Variants in FANCB observed in about 807,000 individuals in gnomAD.
FANCB encodes FA complementation group B, also known as Fanconi anemia group B protein.
A neutral mutation model predicts 38.9 loss-of-function variants in FANCB; 5 were observed. The ratio of observed to expected loss-of-function variants is 0.13; its 90% CI spans 0.07 to 0.27. FANCB has a LOEUF of 0.27. Among genes scored for constraint, FANCB ranks in the 10% least tolerant of loss-of-function variants. The probability of loss-of-function intolerance (pLI) is 1.00; values close to 1 mark genes in which losing one functional copy is unlikely to be tolerated. For missense variants in FANCB, 573 were observed against 602.7 expected (o/e 0.95, Z 0.52); for synonymous variants, 236 against 215.4 (o/e 1.10, Z -0.84).
chrX:14,772,968 C>CT, the FANCB span, among the ~76,000 whole-genome samples: 1 of 111,177 alleles, frequency 9.0e-6, no homozygotes, highest in African/African-American at 3.3e-5. Flanking sequence ...GGCCACACCC[C>CT]TTCCCCCACC....
At chrX:14,802,955 C>T in the FANCB span, among the ~76,000 whole-genome samples, 1 of 112,106 alleles carries the variant, frequency 8.9e-6, no homozygotes, top group East Asian at 2.8e-4. Flanking sequence ...AAGAAATGCA[C>T]AGGCCTTCAG....
At chrX:14,814,198 G>T in the FANCB span, among the ~76,000 whole-genome samples, 13 of 111,730 alleles carry the variant, frequency 1.2e-4, no homozygotes, top group African/African-American at 3.9e-4. Flanking sequence ...AGACTTAAAT[G>T]TTAGACCTAA....
At chrX:14,723,489 G>T in the FANCB span, among the ~76,000 whole-genome samples, 1 of 112,169 alleles carries the variant, frequency 8.9e-6, no homozygotes, top group Non-Finnish European at 1.9e-5. Context: ...CAACCAAAGT[G>T]ATTTATTTCA....
intron 1 of FANCB, among the ~76,000 whole-genome samples, chrX:14,869,753 T>C (rs757309316): frequency 7.1e-5 from 8 of 112,009 alleles, no homozygotes; most frequent in Non-Finnish European, 1.3e-4. Flanking sequence ...ATTGAACATA[T>C]GAATGGTGTA....
the FANCB span, among the ~76,000 whole-genome samples, chrX:14,789,880 G>A: frequency 2.7e-5 from 3 of 111,953 alleles, no homozygotes; most frequent in Non-Finnish European, 5.6e-5. Context: ...TTACATTGTA[G>A]GGATATCATG....
chrX:14,807,125 G>T, the FANCB span, among the ~76,000 whole-genome samples: 1 of 111,950 alleles, frequency 8.9e-6, no homozygotes, highest in Non-Finnish European at 1.9e-5. Context: ...TTACATAATA[G>T]AATTTATATA....
chrX:14,870,402 T>C (rs1247607875), intron 1 of FANCB, among the ~76,000 whole-genome samples: 1 of 106,465 alleles, frequency 9.4e-6, no homozygotes, highest in African/African-American at 3.4e-5. Context: ...ATTATAACAG[T>C]GGCTGCAGAA....
At chrX:14,741,529 C>T in the FANCB span, among the ~76,000 whole-genome samples, 1 of 111,617 alleles carries the variant, frequency 9.0e-6, no homozygotes, top group East Asian at 2.8e-4. Context: ...ACAGCAACCC[C>T]CTTCTTTGCC....
the FANCB span, among the ~76,000 whole-genome samples, chrX:14,825,244 C>T: frequency 1.8e-5 from 2 of 111,613 alleles, no homozygotes; most frequent in East Asian, 2.8e-4. Flanking sequence ...GGGTTGATGT[C>T]GTTCATCAGT....
the FANCB span, among the ~76,000 whole-genome samples, chrX:14,703,557 T>C: frequency 9.0e-6 from 1 of 111,719 alleles, no homozygotes; most frequent in African/African-American, 3.3e-5. Context: ...GGATAACATA[T>C]TCACAGGTTC....
chrX:14,837,528 A>G (rs1351613189), intron 10 of FANCB, among the ~76,000 whole-genome samples: 1 of 112,435 alleles, frequency 8.9e-6, no homozygotes, highest in Non-Finnish European at 1.9e-5. Context: ...GTCAAGAGAT[A>G]AAACTCAGCT....
chrX:14,782,189 G>A, the FANCB span, among the ~76,000 whole-genome samples: 1 of 111,809 alleles, frequency 8.9e-6, no homozygotes, highest in Non-Finnish European at 1.9e-5. Flanking sequence ...AGAAGAAAAT[G>A]AGGAGAAATA....
the FANCB span, among the ~76,000 whole-genome samples, chrX:14,807,841 C>A: frequency 5.4e-5 from 6 of 111,247 alleles, no homozygotes; most frequent in African/African-American, 2.0e-4. Context: ...AAAAAAGAGA[C>A]AACATACAAA....
the FANCB span, among the ~76,000 whole-genome samples, chrX:14,691,247 A>C: frequency 9.3e-6 from 1 of 107,797 alleles, no homozygotes; most frequent in Non-Finnish European, 1.9e-5. Flanking sequence ...GTTACTTTAA[A>C]ATCCTGGTTC....
At chrX:14,749,055 T>C in the FANCB span, among the ~76,000 whole-genome samples, 1 of 111,667 alleles carries the variant, frequency 9.0e-6, no homozygotes, top group African/African-American at 3.3e-5. Flanking sequence ...GATGGGACTG[T>C]GTCTCATGTG....
intron 1 of FANCB, among the ~76,000 whole-genome samples, chrX:14,870,828 C>G (rs192102719): frequency 9.0e-6 from 1 of 111,419 alleles, no homozygotes; most frequent in Non-Finnish European, 1.9e-5. Flanking sequence ...TCCAAAAAGT[C>G]TAAGAAACCA....
chrX:14,819,887 T>C, the FANCB span, among the ~76,000 whole-genome samples: 2 of 111,746 alleles, frequency 1.8e-5, no homozygotes, highest in African/African-American at 3.3e-5. Flanking sequence ...GCCTGCTTAG[T>C]ATTGCTCCAC....
downstream of FANCB, chrX:14,834,785 T>C (rs2092336795): frequency 1.7e-6 from 1 of 577,561 alleles, no homozygotes; most frequent in Non-Finnish European, 3.0e-6. Flanking sequence ...TCTTCACTGG[T>C]GCTTTTTCTT....
Position 14,853,162 on chromosome X carries a change from A to C in FANCB, c.1203T>G (p.Cys401Trp). Residue 401 changes from cysteine (C) to tryptophan (W), a missense_variant, in exon 6 of 10, where the codon TGT (cysteine) becomes TGG (tryptophan). Cys to Trp is a radical substitution (Grantham distance 215). Coordinates refer to ENST00000650831, the MANE Select transcript of FANCB (RefSeq NM_001018113.3). ...GCCGTAATTCCCGAAAAGAAGAAAAACAAACCTGTAAAGTAGAAAGAAAAA... is the reference window on the plus strand; with the variant it reads ...GCCGTAATTCCCGAAAAGAAGAAAACCAAACCTGTAAAGTAGAAAGAAAAA... ...VPPLETGLKV[C>W]FSSFRELRQH... 8.3e-7 allele frequency: 1 copy of C among 1,206,174 alleles called. No individual in the cohort carries two copies. The highest frequency in any genetic ancestry group is 1.1e-6 in the Non-Finnish European group (1 of 891,149).
Sources: allele counts gnomAD v4.1 joint callset (sites outside exome capture counted in the v4.1 genomes callset), GRCh38; gene constraint gnomAD v4.1.1; transcripts MANE v1.5; gene names NCBI Gene and HGNC (gene_info 2026-07-23, HGNC 2026-07-21).